EFCAB14: variants seen among roughly 807,000 people sequenced by gnomAD.
EFCAB14 encodes EF-hand calcium binding domain 14, also known as EF-hand calcium-binding domain-containing protein 14.
A neutral mutation model predicts 56.5 loss-of-function variants in EFCAB14; 43 were observed. The observed-to-expected ratio is 0.76, with a 90% confidence interval of 0.60 to 0.98. EFCAB14 has a LOEUF of 0.98. Among genes scored for constraint, EFCAB14 ranks in the 50% least tolerant of loss-of-function variants. The probability of loss-of-function intolerance (pLI) is 0.00; values close to 1 mark genes in which losing one functional copy is unlikely to be tolerated. For missense variants in EFCAB14, 538 were observed against 580.3 expected (o/e 0.93, Z 0.75); for synonymous variants, 235 against 212.9 (o/e 1.10, Z -0.90).
chr1:46,691,220 C>A (rs940054074), intron 5 of EFCAB14, among the ~76,000 whole-genome samples: 4 of 152,148 alleles, frequency 2.6e-5, no homozygotes, highest in African/African-American at 9.7e-5. Context: ...AACAAATTAT[C>A]CCAAAGCTTT....
At chr1:46,687,608 T>C (rs1281990273) in intron 7 of EFCAB14, among the ~76,000 whole-genome samples, 3 of 152,190 alleles carry the variant, frequency 2.0e-5, no homozygotes, top group African/African-American at 7.2e-5. Context: ...GGTTTCTATT[T>C]TTAAATATAT....
chr1:46,681,952 C>T (rs996470724), intron 10 of EFCAB14, among the ~76,000 whole-genome samples: 1 of 151,642 alleles, frequency 6.6e-6, no homozygotes, highest in African/African-American at 2.4e-5. Context: ...TCCCCTCCTC[C>T]CCAGAAAACA....
At chr1:46,709,544 C>T (rs1405617137) in intron 2 of EFCAB14, among the ~76,000 whole-genome samples, 1 of 152,174 alleles carries the variant, frequency 6.6e-6, no homozygotes, top group African/African-American at 2.4e-5. Flanking sequence ...TGCTTGAGGA[C>T]AAAGACTAGA....
At chr1:46,712,001 G>A (rs1677314833) in intron 2 of EFCAB14, among the ~76,000 whole-genome samples, 1 of 152,190 alleles carries the variant, frequency 6.6e-6, no homozygotes, top group Non-Finnish European at 1.5e-5. Context: ...AATGCCCAAA[G>A]TGCTTTGGTA....
chr1:46,684,553 T>G lies in EFCAB14; in HGVS notation c.1124A>C (p.Gln375Pro). Residue 375 changes from glutamine (Q) to proline (P), a missense_variant, in exon 9 of 11, where the codon CAG becomes CCG. Transcript: ENST00000371933. ...TTTGTTTGTAAGAGCACTGATCAGC[T>G]GGAGTTTCTCTCTTAGCTTGGATAC... The part of the protein sequence containing the change: ...SQVSKLREKL[Q>P]LISALTNKPE... 2 of 1,614,150 alleles carry G rather than the reference T, an allele frequency of 1.2e-6. No homozygotes were observed. Among genetic ancestry groups the G allele is most frequent in the Middle Eastern group, 1.7e-4 (1 of 6,060 alleles).
At chr1:46,713,227 A>G (rs1473909437) in intron 2 of EFCAB14, among the ~76,000 whole-genome samples, 1 of 152,122 alleles carries the variant, frequency 6.6e-6, no homozygotes, top group Non-Finnish European at 1.5e-5. Context: ...CTGCTTTGCA[A>G]TGTCAGGAAG....
chr1:46,681,593 C>G (rs571712035), intron 10 of EFCAB14, among the ~76,000 whole-genome samples: 6 of 152,180 alleles, frequency 3.9e-5, no homozygotes, highest in African/African-American at 1.2e-4. Context: ...CAAAAGCTCT[C>G]TGAAAGGCAG....
intron 3 of EFCAB14, among the ~76,000 whole-genome samples, chr1:46,699,660 T>C (rs115021439): frequency 0.011 from 1,611 of 152,272 alleles, 13 homozygotes; most frequent in Non-Finnish European, 0.015. Context: ...GGTATAATAA[T>C]AATAACAACA....
intron 1 of EFCAB14, among the ~76,000 whole-genome samples, chr1:46,717,124 T>TC: frequency 6.6e-6 from 1 of 152,226 alleles, no homozygotes; most frequent in Non-Finnish European, 1.5e-5. Flanking sequence ...CTTAACAGCC[T>TC]TAGCTGACAA....
chr1:46,707,845 T>C, intron 3 of EFCAB14, 61 bp downstream of exon 3: 2 of 1,541,568 alleles, frequency 1.3e-6, no homozygotes, highest in Non-Finnish European at 1.8e-6. Flanking sequence ...TATATCCTAT[T>C]CATACTAAAC....
At chr1:46,709,366 G>A (rs1677276003) in intron 2 of EFCAB14, among the ~76,000 whole-genome samples, 1 of 146,896 alleles carries the variant, frequency 6.8e-6, no homozygotes, top group African/African-American at 2.7e-5. Context: ...CCCTTGGCTT[G>A]TCTCTTCTTT....
chr1:46,697,625 G>A (rs1041954509), intron 3 of EFCAB14, among the ~76,000 whole-genome samples: 2 of 152,130 alleles, frequency 1.3e-5, no homozygotes, highest in African/African-American at 2.4e-5. Context: ...GCACTGGGGG[G>A]TGTAAGACAA....
In EFCAB14 at chr1:46,717,903, T is replaced by G. The variant is rs1391282319; in HGVS notation, c.185A>C (p.Lys62Thr). ...CATTCCACCTTTCACCACTACTCAC[T>G]TGGCAAAGCGAGAGCGATTTCCAAC... ...GVVGNRSRFA[K>T]GDYLRCCKIC... Residue 62 changes from lysine (K) to threonine (T), a missense_variant and splice_region_variant, in exon 1 of 11, where the codon AAG becomes ACG. Physicochemically the swap from Lys to Thr is moderately conservative, Grantham distance 78 (BLOSUM62 -1). Transcript: ENST00000371933. 1 of 1,612,818 alleles carries G rather than the reference T, an allele frequency of 6.2e-7. No homozygotes were observed.
In EFCAB14 at chr1:46,696,595, C is replaced by T; in HGVS notation, c.535G>A (p.Ala179Thr). The change falls in exon 4 of 11, where the codon GCA (alanine) becomes ACA (threonine). Residue 179 changes from alanine (A) to threonine (T), a missense_variant. Coordinates refer to ENST00000371933, the MANE Select transcript of EFCAB14 (RefSeq NM_014774.3). ...NHLKANVKSA[A>T]DLISLPTTVE... Reference sequence around the variant, plus strand: ...GTGGTAGGCAGGCTAATCAAGTCTGCAGCTGACTTAACATTGGCTTTGAGG... The same window carrying T: ...GTGGTAGGCAGGCTAATCAAGTCTGTAGCTGACTTAACATTGGCTTTGAGG... The T allele has an allele frequency of 6.2e-7, 1 of 1,613,688 alleles. No homozygotes were observed. The highest frequency in any genetic ancestry group is 1.3e-5 in the African/African-American group (1 of 75,020).
intron 5 of EFCAB14, among the ~76,000 whole-genome samples, chr1:46,691,242 C>T (rs899463326): frequency 1.3e-5 from 2 of 152,136 alleles, no homozygotes; most frequent in Admixed American, 6.6e-5. Flanking sequence ...TGGCTTAGAA[C>T]AACAACAATT....
chr1:46,719,055 TGCG>T lies in EFCAB14; in HGVS notation c.-971_-969del. On this transcript the variant is annotated 5_prime_UTR_variant, in exon 1 of 11. Coordinates refer to ENST00000371933, the MANE Select transcript of EFCAB14 (RefSeq NM_014774.3). The surrounding 1 kb of genome is among the most constrained non-coding windows in gnomAD (Gnocchi z 4.0). The stretch of plus-strand genomic sequence containing the variant: ...TGTTGTTGGCGTTGGTGGCGGCGGC[TGCG>T]GCGGCGGCGGCCGCGAGCTCCAGCC... 24 of 158,672 alleles carry T rather than the reference TGCG, an allele frequency of 1.5e-4. No homozygotes were observed. Among genetic ancestry groups the T allele is most frequent in the South Asian group, 5.1e-4 (3 of 5,838 alleles). 9.8% of individuals were successfully genotyped at this position (158,672 alleles called of 1,614,324 possible).
intron 3 of EFCAB14, among the ~76,000 whole-genome samples, chr1:46,704,588 A>G (rs1185338892): frequency 2.0e-5 from 3 of 151,900 alleles, no homozygotes; most frequent in Non-Finnish European, 4.4e-5. Context: ...TCCACCAGAC[A>G]CCAAATCTGC....
chr1:46,698,975 T>C (rs943677772), intron 3 of EFCAB14, among the ~76,000 whole-genome samples: 6 of 150,246 alleles, frequency 4.0e-5, no homozygotes, highest in African/African-American at 1.2e-4. Flanking sequence ...TGGTTTAGAC[T>C]TGAGTGGTAG....
chr1:46,704,437 A>G (rs1677206113), intron 3 of EFCAB14, among the ~76,000 whole-genome samples: 1 of 144,842 alleles, frequency 6.9e-6, no homozygotes, highest in Non-Finnish European at 1.5e-5. Context: ...TGATTGCATC[A>G]CTGCACCCCA....
Sources: allele counts gnomAD v4.1 joint callset (sites outside exome capture counted in the v4.1 genomes callset), GRCh38; gene constraint gnomAD v4.1.1; non-coding constraint Gnocchi (gnomAD v3.1); transcripts MANE v1.5; gene names NCBI Gene and HGNC (gene_info 2026-07-23, HGNC 2026-07-21).